NBPF8: variants seen among roughly 807,000 people sequenced by gnomAD.
The protein encoded by NBPF8 is NBPF family member NBPF8.
chr1:120,466,226 C>A (rs1661745655), exon 25 of NBPF8: 1 of 1,607,912 alleles, frequency 6.2e-7, no homozygotes. Context: ...CAATAAGCAG[C>A]CCTTACTAAG....
At chr1:120,423,130 T>C (rs1295187071) in intron 1 of NBPF8, among the ~76,000 whole-genome samples, 1 of 136,920 alleles carries the variant, frequency 7.3e-6, no homozygotes, top group East Asian at 1.9e-4. Context: ...TTAATTTTAA[T>C]GAGGCTCAAC....
In NBPF8 at chr1:120,452,055, A is replaced by T. The variant is rs1432045962; in HGVS notation, n.2075-62A>T. The T allele has an allele frequency of 2.7e-5, 38 of 1,420,358 alleles. No individual in the cohort carries two copies. In the Admixed American group the frequency reaches 5.9e-4, roughly 22 times the overall value. The allele number at this position is 1,420,358 out of a possible 1,614,324, so 88.0% of individuals were successfully genotyped here. ...ACATTGTCTCAGAAGTCTCTGTTGCAATATTTGAGCGGATCACTCAACCCT... is the reference window on the plus strand; with the variant it reads ...ACATTGTCTCAGAAGTCTCTGTTGCTATATTTGAGCGGATCACTCAACCCT... On this transcript the variant is annotated intron_variant and non_coding_transcript_variant, in intron 12 of 24. Transcript: ENST00000583271.
At chr1:120,436,001 G>A (rs1661063547), upstream of NBPF8, among the ~76,000 whole-genome samples, 1 of 152,150 alleles carries the variant, frequency 6.6e-6, no homozygotes, top group Non-Finnish European at 1.5e-5. Context: ...ACAGACAAGA[G>A]ATAAACAGTG....
rs1461721637 is a variant in NBPF8 at position 120,446,351 on chromosome 1, T to C, written n.1476+308T>C. Among the ~76,000 whole-genome samples, 391 of 63,992 alleles carry C rather than the reference T, an allele frequency of 6.1e-3. 3 individuals are homozygous for C. The highest frequency in any genetic ancestry group is 0.025 in the African/African-American group (374 of 14,688). The allele number at this position is 63,992 out of a possible 152,430, so 42.0% of individuals were successfully genotyped here. ...GGGCGCTTGTTGGAGTGAAAAGAGC[T>C]CTGGGCTAAGAATGAAGGTTCCCAG... On this transcript the variant is annotated intron_variant and non_coding_transcript_variant, in intron 8 of 24. Transcript: ENST00000583271.
Position 120,456,027 on chromosome 1 carries a change from C to T in NBPF8, n.2620+567C>T, listed in dbSNP as rs1661426853. On this transcript the variant is annotated intron_variant and non_coding_transcript_variant, in intron 16 of 24. Coordinates refer to ENST00000583271, the Ensembl canonical transcript of NBPF8. Reference sequence around the variant, plus strand: ...ATTTCTGCCTTCATTTTGTTATTTTCCCAGTAGTCATTCAGGAGCAGGTTG... The same window carrying T: ...ATTTCTGCCTTCATTTTGTTATTTTTCCAGTAGTCATTCAGGAGCAGGTTG... Among the ~76,000 whole-genome samples, 4 of 151,934 alleles carry T rather than the reference C, an allele frequency of 2.6e-5. No homozygotes were observed. The South Asian group carries it at 6.2e-4, about 24-fold the overall frequency.
At chr1:120,462,264 G>A (rs1379448422) in intron 20 of NBPF8, 67 bp downstream of exon 18, 8 of 703,140 alleles carry the variant, frequency 1.1e-5, no homozygotes, top group Non-Finnish European at 1.8e-5. Context: ...TCCAGGGAAA[G>A]CAAGAGTGTG....
At chr1:120,449,252 T>A (rs1661186413) in exon 11 of NBPF8, 1 of 1,493,540 alleles carries the variant, frequency 6.7e-7, no homozygotes, top group Non-Finnish European at 9.3e-7. Flanking sequence ...CGGCCCTTTG[T>A]CCAGCGAGAA....
At chr1:120,449,767 T>C (rs1661208461) in intron 11 of NBPF8, among the ~76,000 whole-genome samples, 1 of 152,238 alleles carries the variant, frequency 6.6e-6, no homozygotes, top group Non-Finnish European at 1.5e-5. Context: ...TGTCTGAGAC[T>C]AGTGAACTTT....
intron 1 of NBPF8, among the ~76,000 whole-genome samples, chr1:120,425,380 A>G (rs1229887490): frequency 6.6e-5 from 10 of 152,104 alleles, no homozygotes; most frequent in African/African-American, 2.4e-4. Flanking sequence ...TCTTTAAGGC[A>G]TTGAGATGTT....
At chr1:120,415,491 C>T (rs1225534137), upstream of NBPF8, among the ~76,000 whole-genome samples, 4 of 152,116 alleles carry the variant, frequency 2.6e-5, no homozygotes, top group South Asian at 6.2e-4. Flanking sequence ...ATCTCTTGGG[C>T]GCTGGGGAAG....
chr1:120,460,998 C>T (rs1661570522), intron 18 of NBPF8, among the ~76,000 whole-genome samples: 1 of 146,858 alleles, frequency 6.8e-6, no homozygotes, highest in Non-Finnish European at 1.5e-5. Context: ...GTCACCTGAC[C>T]AATTCACTGA....
chr1:120,429,587 C>G (rs1660819517), intron 3 of NBPF8, among the ~76,000 whole-genome samples: 1 of 151,588 alleles, frequency 6.6e-6, no homozygotes. Context: ...GGTTACTAAT[C>G]ATTGTGAGGT....
At chr1:120,468,046 G>A (rs1346285499), downstream of NBPF8, among the ~76,000 whole-genome samples, 4 of 150,984 alleles carry the variant, frequency 2.6e-5, no homozygotes, top group African/African-American at 7.3e-5. Context: ...TGTTTTTGAT[G>A]GTTTTCCTCC....
chr1:120,428,513 T>A (rs1234267200), intron 3 of NBPF8, among the ~76,000 whole-genome samples: 2 of 151,968 alleles, frequency 1.3e-5, no homozygotes, highest in Non-Finnish European at 1.5e-5. Flanking sequence ...GAAGAATTTC[T>A]TTTATGATGA....
At chr1:120,465,283 G>C (rs1661710541) in exon 24 of NBPF8, 1 of 668,252 alleles carries the variant, frequency 1.5e-6, no homozygotes, top group African/African-American at 2.7e-5. Flanking sequence ...GAAGGGGAAG[G>C]GGAAGATAAG....
In NBPF8 at chr1:120,454,328, A is replaced by T. The variant is rs1228047221; in HGVS notation, n.2568+214A>T. Among the ~76,000 whole-genome samples, 37 of 152,264 alleles carry T rather than the reference A, an allele frequency of 2.4e-4. 1 individual carries two copies. Among genetic ancestry groups the T allele is most frequent in the Admixed American group, 2.2e-3 (33 of 15,284 alleles). ...TTACTCAACCCCAGGCAAGTGTGAC[A>T]ATCTCATAGTCACCTGAGTGCAGGA... On this transcript the variant is annotated intron_variant and non_coding_transcript_variant, in intron 15 of 24. Coordinates refer to ENST00000583271, the Ensembl canonical transcript of NBPF8.
At chr1:120,468,745 G>A (rs1661819748), downstream of NBPF8, among the ~76,000 whole-genome samples, 2 of 150,270 alleles carry the variant, frequency 1.3e-5, no homozygotes, top group African/African-American at 4.9e-5. Flanking sequence ...AATCCACCAG[G>A]TCTCAGGCAT....
At chr1:120,436,389 A>C (rs1661077316) in exon 1 of NBPF8, 1 of 1,455,282 alleles carries the variant, frequency 6.9e-7, no homozygotes, top group African/African-American at 1.4e-5. Flanking sequence ...CACAACAGTA[A>C]GGTAAGAATT....
chr1:120,450,225 A>C (rs1224330540), intron 11 of NBPF8, among the ~76,000 whole-genome samples: 1 of 151,854 alleles, frequency 6.6e-6, no homozygotes, highest in Non-Finnish European at 1.5e-5. Flanking sequence ...AGACTGTTAA[A>C]AATAATAATA....
Sources: allele counts gnomAD v4.1 joint callset (sites outside exome capture counted in the v4.1 genomes callset), GRCh38; gene constraint gnomAD v4.1.1; transcripts MANE v1.5; gene names NCBI Gene and HGNC (gene_info 2026-07-23, HGNC 2026-07-21).